The following MECOM variants were observed in gnomAD, a reference collection of about 807,000 sequenced individuals.
MECOM encodes MDS1 and EVI1 complex locus, also known as histone-lysine N-methyltransferase MECOM.
In MECOM, 13 loss-of-function variants were observed where a neutral mutation model predicts 116.3. The observed-to-expected ratio is 0.11, with a 90% confidence interval of 0.07 to 0.18. The LOEUF (loss-of-function observed/expected upper bound fraction) is 0.18, where lower values mean the gene tolerates loss of function less well. Ranked by LOEUF, MECOM falls within the 10% of genes least tolerant of loss-of-function variation. The pLI is 1.00. For synonymous variants in MECOM, 528 were observed against 535.2 expected, an observed-to-expected ratio of 0.99 and a Z score of 0.19; for missense variants, 1,299 against 1,509.0, an observed-to-expected ratio of 0.86 and a Z score of 2.31.
chr3:169,147,050 G>C, intron 2 of MECOM: 2 of 990,500 alleles, frequency 2.0e-6, no homozygotes, highest in African/African-American at 3.5e-5. Context: ...GGTTTGGTGT[G>C]TTTTGGCTTT....
intron 1 of MECOM, among the ~76,000 whole-genome samples, chr3:169,648,475 A>G (rs760720488): frequency 1.3e-5 from 2 of 152,222 alleles, no homozygotes; most frequent in Non-Finnish European, 2.9e-5. Flanking sequence ...CTCTGCTGGT[A>G]TTTTAATACT....
At chr3:169,149,942 T>TCC (rs1740908519) in intron 2 of MECOM, among the ~76,000 whole-genome samples, 2 of 46,630 alleles carry the variant, frequency 4.3e-5, no homozygotes, top group South Asian at 1.4e-3. Context: ...TCTCTGTGTG[T>TCC]GTGTGTGTGT....
At chr3:169,488,407 G>A (rs1346556374) in intron 1 of MECOM, among the ~76,000 whole-genome samples, 4 of 149,298 alleles carry the variant, frequency 2.7e-5, no homozygotes, top group African/African-American at 9.8e-5. Flanking sequence ...TTAGCCAGGT[G>A]TGGTGGCACA....
chr3:169,640,591 G>A (rs950000259), intron 1 of MECOM, among the ~76,000 whole-genome samples: 1 of 152,166 alleles, frequency 6.6e-6, no homozygotes, highest in Middle Eastern at 3.2e-3. Flanking sequence ...CTTTACAGAG[G>A]TCATAGAACT....
intron 2 of MECOM, among the ~76,000 whole-genome samples, chr3:169,328,749 G>A (rs75193859): frequency 0.028 from 4,317 of 152,100 alleles, 126 homozygotes; most frequent in East Asian, 0.08. Flanking sequence ...GGACTACAGG[G>A]CCTCGCTCCC....
chr3:169,576,013 C>A (rs1340396942), intron 1 of MECOM, among the ~76,000 whole-genome samples: 1 of 152,168 alleles, frequency 6.6e-6, no homozygotes, highest in African/African-American at 2.4e-5. Context: ...TTCTATTAAT[C>A]TAGGAATTCA....
At chr3:169,178,526 T>C (rs1254489394) in intron 2 of MECOM, among the ~76,000 whole-genome samples, 1 of 152,136 alleles carries the variant, frequency 6.6e-6, no homozygotes, top group African/African-American at 2.4e-5. Flanking sequence ...GAGGACAATG[T>C]ATAGCCAGCT....
intron 1 of MECOM, among the ~76,000 whole-genome samples, chr3:169,552,298 C>G (rs1252055495): frequency 6.9e-6 from 1 of 145,734 alleles, no homozygotes; most frequent in East Asian, 2.4e-4. Context: ...TCTATGCATT[C>G]TTTTTTTCTT....
intron 2 of MECOM, among the ~76,000 whole-genome samples, chr3:169,378,434 AAAGAAAGAAAGAAAGAAG>A (rs1731512342): frequency 6.1e-5 from 5 of 81,640 alleles, no homozygotes; most frequent in African/African-American, 4.1e-4. Context: ...AGAAAGAAAG[AAAGAAAGAAAGAAAGAAG>A]GAAAGCAAGC....
chr3:169,455,245 A>G (rs1746277959), intron 1 of MECOM, among the ~76,000 whole-genome samples: 1 of 152,240 alleles, frequency 6.6e-6, no homozygotes, highest in Non-Finnish European at 1.5e-5. Context: ...TGCAGCTCTT[A>G]TAATACTCTT....
chr3:169,229,369 A>G (rs1364441547), intron 2 of MECOM, among the ~76,000 whole-genome samples: 2 of 152,164 alleles, frequency 1.3e-5, no homozygotes, highest in East Asian at 1.9e-4. Context: ...TCTGAACCCA[A>G]AGGCTTATGA....
At position 169,180,794 on chromosome 3, in the gene MECOM, G is replaced by GATATAT. The variant is rs10576266; in HGVS notation, c.376-36968_376-36963dup. 3.3e-3 allele frequency among the ~76,000 whole-genome samples: 357 copies of GATATAT among 108,740 alleles called. 32 individuals carry two copies. Among genetic ancestry groups the GATATAT allele is most frequent in the Middle Eastern group, 0.016 (4 of 244 alleles). The allele number at this position is 108,740 out of a possible 152,430, so 71.3% of individuals were successfully genotyped here. On this transcript the variant is annotated intron_variant, in intron 2 of 16. Transcript: ENST00000651503. The stretch of plus-strand genomic sequence containing the variant: ...TATGTATGTGTGTGTGTGTGGAGAT[G>GATATAT]ATATATATATATATATATATCAGGC...
intron 2 of MECOM, among the ~76,000 whole-genome samples, chr3:169,232,931 C>T (rs1029174085): frequency 6.6e-6 from 1 of 152,032 alleles, no homozygotes; most frequent in Non-Finnish European, 1.5e-5. Context: ...AGCCTCTTGT[C>T]ACCTCATGTT....
chr3:169,329,568 T>C (rs1047445217), intron 2 of MECOM, among the ~76,000 whole-genome samples: 4 of 152,198 alleles, frequency 2.6e-5, no homozygotes, highest in Admixed American at 6.5e-5. Context: ...TCCCACTGAA[T>C]GAAGCCATCT....
chr3:169,214,515 A>G (rs1039805240), intron 2 of MECOM, among the ~76,000 whole-genome samples: 4 of 151,710 alleles, frequency 2.6e-5, no homozygotes, highest in African/African-American at 9.7e-5. Flanking sequence ...TAGCTTTCAG[A>G]AGCTCTTGGT....
At chr3:169,554,848 G>A (rs1420087463) in intron 1 of MECOM, among the ~76,000 whole-genome samples, 1 of 152,150 alleles carries the variant, frequency 6.6e-6, no homozygotes, top group Non-Finnish European at 1.5e-5. Context: ...GTAATAGGGG[G>A]TTGGGGGCAC....
At chr3:169,279,102 G>C (rs1014661647) in intron 2 of MECOM, among the ~76,000 whole-genome samples, 1 of 152,196 alleles carries the variant, frequency 6.6e-6, no homozygotes, top group Non-Finnish European at 1.5e-5. Context: ...ACTCAAATGT[G>C]TTTCTACCTT....
At chr3:169,315,694 A>G (rs6780761) in intron 2 of MECOM, among the ~76,000 whole-genome samples, 52,878 of 151,980 alleles carry the variant, frequency 0.35, 9,531 homozygotes, top group Admixed American at 0.49. Flanking sequence ...CACTGAACCC[A>G]AAGAGCGCCA....
chr3:169,119,406 C>T (rs1730250617), intron 7 of MECOM, among the ~76,000 whole-genome samples: 1 of 152,184 alleles, frequency 6.6e-6, no homozygotes, highest in Non-Finnish European at 1.5e-5. Flanking sequence ...CCAATAATTA[C>T]TGAAAATACA....
Sources: gnomAD v4.1 joint callset for allele counts (sites outside exome capture counted in the v4.1 genomes callset) on GRCh38, gnomAD v4.1.1 for gene constraint, MANE v1.5 for transcripts, NCBI Gene and HGNC (gene_info 2026-07-23, HGNC 2026-07-21) for gene names.